Variants in PTPRG observed in about 807,000 individuals in gnomAD.
The protein encoded by PTPRG is receptor-type tyrosine-protein phosphatase gamma.
PTPRG carries 102 observed loss-of-function variants against 165.3 expected under a neutral mutation model. The observed-to-expected ratio is 0.62, with a 90% CI of 0.53 to 0.73. PTPRG has a LOEUF of 0.73. PTPRG is among the 30% of genes least tolerant of loss of function. The probability of loss-of-function intolerance (pLI) is 0.00; values close to 1 mark genes in which losing one functional copy is unlikely to be tolerated. For synonymous variants in PTPRG, 675 were observed against 669.5 expected, an observed-to-expected ratio of 1.01 and a Z score of -0.13; for missense variants, 1,866 against 1,861.4, an observed-to-expected ratio of 1.00 and a Z score of -0.05.
chr3:62,212,716 T>C (rs1360065772), intron 12 of PTPRG, among the ~76,000 whole-genome samples: 1 of 152,040 alleles, frequency 6.6e-6, no homozygotes, highest in African/African-American at 2.4e-5. Flanking sequence ...CTGAAGGGAG[T>C]GTGCCGCTTG....
intron 5 of PTPRG, among the ~76,000 whole-genome samples, chr3:62,088,295 A>G (rs554331935): frequency 7.2e-5 from 11 of 152,370 alleles, no homozygotes; most frequent in African/African-American, 2.4e-4. Context: ...GCTGAGGTCA[A>G]GAAACTCAGC....
chr3:62,293,358 T>A lies in PTPRG; in HGVS notation c.*51T>A. On this transcript the variant is annotated 3_prime_UTR_variant, in exon 30 of 30. Coordinates refer to ENST00000474889, the MANE Select transcript of PTPRG (RefSeq NM_002841.4). ...TTGTAAACTTCTGAAGACTGAGAACTTTTTTGAGGCCTTTTTTGCCAGACT... is the reference window on the plus strand; with the variant it reads ...TTGTAAACTTCTGAAGACTGAGAACATTTTTGAGGCCTTTTTTGCCAGACT... 1 of 1,449,892 alleles carries A rather than the reference T, an allele frequency of 6.9e-7. No individual in the cohort carries two copies. Among genetic ancestry groups the A allele is most frequent in the African/African-American group, 1.4e-5 (1 of 69,692 alleles). 89.8% of individuals were successfully genotyped at this position (1,449,892 alleles called of 1,614,324 possible).
intron 10 of PTPRG, among the ~76,000 whole-genome samples, chr3:62,201,045 G>A (rs1054990669): frequency 6.6e-6 from 1 of 152,162 alleles, no homozygotes; most frequent in African/African-American, 2.4e-5. Context: ...AGCTTTGGGG[G>A]TGGAGGTGGA....
chr3:61,748,368 C>A (rs1175545674), intron 1 of PTPRG, among the ~76,000 whole-genome samples: 1 of 152,184 alleles, frequency 6.6e-6, no homozygotes, highest in South Asian at 2.1e-4. Context: ...CTCCTTAGTT[C>A]CTCCATCTGT....
chr3:62,021,096 A>G (rs1419551694), intron 4 of PTPRG, among the ~76,000 whole-genome samples: 1 of 151,714 alleles, frequency 6.6e-6, no homozygotes, highest in African/African-American at 2.4e-5. Context: ...TTCCCTCATC[A>G]GTAAAATGAC....
intron 1 of PTPRG, among the ~76,000 whole-genome samples, chr3:61,592,566 T>C (rs958444679): frequency 1.3e-5 from 2 of 152,170 alleles, no homozygotes; most frequent in African/African-American, 4.8e-5. Flanking sequence ...CTAATCAAAA[T>C]AGTTGCATAT....
At chr3:61,702,489 A>C (rs2031022856) in intron 1 of PTPRG, among the ~76,000 whole-genome samples, 1 of 152,260 alleles carries the variant, frequency 6.6e-6, no homozygotes, top group Non-Finnish European at 1.5e-5. Context: ...TAAACAATTA[A>C]AAAAATTTAG....
intron 1 of PTPRG, among the ~76,000 whole-genome samples, chr3:61,738,259 T>TTA (rs200540063): frequency 7.0e-4 from 42 of 60,098 alleles, no homozygotes; most frequent in East Asian, 1.5e-3. Context: ...TGTCCATTTT[T>TTA]ATATATATAT....
intron 1 of PTPRG, among the ~76,000 whole-genome samples, chr3:61,637,006 T>C (rs1701928447): frequency 6.6e-6 from 1 of 152,242 alleles, no homozygotes; most frequent in Admixed American, 6.5e-5. Flanking sequence ...TCCTCATCCA[T>C]GTCAGTGATC....
At chr3:62,074,941 A>G (rs1701335297) in intron 4 of PTPRG, among the ~76,000 whole-genome samples, 1 of 152,188 alleles carries the variant, frequency 6.6e-6, no homozygotes, top group African/African-American at 2.4e-5. Flanking sequence ...CAATTCACGC[A>G]TGTCCAATTC....
At chr3:61,807,581 A>G (rs965836546) in intron 2 of PTPRG, among the ~76,000 whole-genome samples, 5 of 152,076 alleles carry the variant, frequency 3.3e-5, no homozygotes, top group Middle Eastern at 3.2e-3. Flanking sequence ...ATTTTTCTTT[A>G]TTTTTTAGCT....
chr3:61,571,135 C>G (rs376398303), intron 1 of PTPRG, among the ~76,000 whole-genome samples: 1 of 152,152 alleles, frequency 6.6e-6, no homozygotes, highest in Admixed American at 6.5e-5. Context: ...ATCTATGCCC[C>G]GTGCTTGAGC....
chr3:62,029,971 A>G (rs750403414), intron 4 of PTPRG, among the ~76,000 whole-genome samples: 7 of 152,274 alleles, frequency 4.6e-5, no homozygotes, highest in Non-Finnish European at 1.0e-4. Flanking sequence ...GACTTTATAC[A>G]TTGCTTTCAT....
At chr3:61,832,412 A>C (rs551034643) in intron 2 of PTPRG, among the ~76,000 whole-genome samples, 60 of 152,324 alleles carry the variant, frequency 3.9e-4, no homozygotes, top group African/African-American at 1.3e-3. Context: ...TCTTCAGAAC[A>C]GAGTTTTGGA....
At chr3:61,915,065 C>T (rs1308781575) in intron 2 of PTPRG, among the ~76,000 whole-genome samples, 1 of 152,166 alleles carries the variant, frequency 6.6e-6, no homozygotes, top group Non-Finnish European at 1.5e-5. Context: ...CCCGTCTCTA[C>T]TGAAAATGTA....
chr3:62,135,978 C>T (rs567610093), intron 6 of PTPRG, among the ~76,000 whole-genome samples: 1 of 152,156 alleles, frequency 6.6e-6, no homozygotes, highest in Non-Finnish European at 1.5e-5. Flanking sequence ...ATTGTAGACG[C>T]TGGGCAGATC....
intron 5 of PTPRG, among the ~76,000 whole-genome samples, chr3:62,078,903 G>C (rs1489989583): frequency 6.6e-6 from 1 of 152,166 alleles, no homozygotes; most frequent in Non-Finnish European, 1.5e-5. Flanking sequence ...GTTGATCAGT[G>C]AGTGCCTTGA....
chr3:61,943,810 G>A (rs1175013930), intron 2 of PTPRG, among the ~76,000 whole-genome samples: 1 of 152,126 alleles, frequency 6.6e-6, no homozygotes, highest in Non-Finnish European at 1.5e-5. Flanking sequence ...CAGGGCCTAT[G>A]CTCCCAGAGG....
At chr3:62,270,043 T>A (rs1200244403) in intron 20 of PTPRG, among the ~76,000 whole-genome samples, 2 of 152,188 alleles carry the variant, frequency 1.3e-5, no homozygotes, top group African/African-American at 4.8e-5. Flanking sequence ...AATACTGTAA[T>A]ATTTTTGGAC....
Sources: allele counts gnomAD v4.1 joint callset (sites outside exome capture counted in the v4.1 genomes callset), GRCh38; gene constraint gnomAD v4.1.1; transcripts MANE v1.5; gene names NCBI Gene and HGNC (gene_info 2026-07-23, HGNC 2026-07-21).